FN3K: variants seen among roughly 807,000 people sequenced by gnomAD.
The protein encoded by FN3K is fructosamine 3 kinase.
Under a neutral mutation model 24.8 loss-of-function variants are expected in FN3K, and 24 were observed. That is an observed-to-expected ratio of 0.97 (90% CI 0.70 to 1.36). FN3K has a LOEUF of 1.36. FN3K is among the 40% of genes most tolerant of loss of function. The pLI is 0.00. For missense variants in FN3K, 449 were observed against 416.7 expected (o/e 1.08, Z -0.67); for synonymous variants, 192 against 175.2 (o/e 1.10, Z -0.76).
At chr17:82,740,967 C>T (rs2046938038) in intron 3 of FN3K, 113 bp downstream of exon 3, 2 of 749,542 alleles carry the variant, frequency 2.7e-6, no homozygotes, top group Admixed American at 4.0e-5. Flanking sequence ...TGTATACCGT[C>T]TGTCTTTACA....
intron 1 of FN3K, among the ~76,000 whole-genome samples, chr17:82,737,486 C>G (rs1038960562): frequency 6.6e-6 from 1 of 152,092 alleles, no homozygotes; most frequent in Non-Finnish European, 1.5e-5. Context: ...CCTTGCCTGG[C>G]TAATTTTTTG....
intron 1 of FN3K, 65 bp downstream of exon 1, chr17:82,735,842 CG>C: frequency 3.2e-6 from 4 of 1,239,506 alleles, no homozygotes; most frequent in Non-Finnish European, 1.1e-6. Context: ...GCGGAGGGGT[CG>C]GGGGCAGGCG....
At chr17:82,742,302 A>G (rs1275982439) in intron 4 of FN3K, among the ~76,000 whole-genome samples, 4 of 152,148 alleles carry the variant, frequency 2.6e-5, no homozygotes, top group African/African-American at 9.7e-5. Flanking sequence ...CGGCCTCCCA[A>G]AGTGCTGGGA....
At chr17:82,745,504 C>T (rs2264574) in intron 4 of FN3K, 98,565 of 152,158 alleles carry the variant, frequency 0.65, 31,991 homozygotes, top group South Asian at 0.72. Context: ...CACACTCTCA[C>T]TCAGCATAAT....
At chr17:82,742,117 C>G (rs907747309) in intron 4 of FN3K, among the ~76,000 whole-genome samples, 1 of 152,160 alleles carries the variant, frequency 6.6e-6, no homozygotes, top group African/African-American at 2.4e-5. Flanking sequence ...GTTGACCAGG[C>G]TGGTCTCGAA....
intron 1 of FN3K, 187 bp from the exon 2 acceptor site, chr17:82,738,302 C>T (rs2046917044): frequency 6.2e-6 from 4 of 641,908 alleles, no homozygotes; most frequent in East Asian, 2.8e-5. Context: ...AGCCTTGCAG[C>T]CTCTCGTCTC....
At chr17:82,748,823 G>A (rs753937626) in intron 4 of FN3K, 32 bp from the exon 5 acceptor site, 1 of 1,609,486 alleles carries the variant, frequency 6.2e-7, no homozygotes, top group Admixed American at 1.7e-5. Context: ...GCTCCGAATT[G>A]CAACAGTGGC....
chr17:82,737,341 C>T (rs2046908137), intron 1 of FN3K, among the ~76,000 whole-genome samples: 1 of 152,016 alleles, frequency 6.6e-6, no homozygotes, highest in East Asian at 1.9e-4. Flanking sequence ...GGTGAAATTC[C>T]ATCTCTTTTT....
chr17:82,743,154 T>C (rs887176441), intron 4 of FN3K, among the ~76,000 whole-genome samples: 18 of 152,244 alleles, frequency 1.2e-4, no homozygotes, highest in Middle Eastern at 3.4e-3. Flanking sequence ...CAGCTTGTGG[T>C]CCTGTGGTCC....
At chr17:82,736,641 C>T (rs1280768619) in intron 1 of FN3K, among the ~76,000 whole-genome samples, 1 of 152,182 alleles carries the variant, frequency 6.6e-6, no homozygotes, top group African/African-American at 2.4e-5. Context: ...GCCCTCCCGG[C>T]CCGAGTGGGC....
chr17:82,738,153 C>T (rs563056494), intron 1 of FN3K: 114 of 274,712 alleles, frequency 4.1e-4, no homozygotes, highest in Admixed American at 1.5e-3. Context: ...GTGGGTAGCC[C>T]GGGGGTCCAG....
At chr17:82,736,914 C>T (rs1302430877) in intron 1 of FN3K, among the ~76,000 whole-genome samples, 4 of 152,224 alleles carry the variant, frequency 2.6e-5, no homozygotes, top group African/African-American at 9.6e-5. Context: ...GGGTGAGACC[C>T]CTCCTTCCCT....
rs753580947 is a variant in FN3K at position 82,735,669 on chromosome 17, C to G, written c.33C>G (p.Thr11=). 8.4e-6 allele frequency: 13 copies of G among 1,538,560 alleles called. No individual in the cohort carries two copies. Among genetic ancestry groups the G allele is most frequent in the Non-Finnish European group, 1.1e-5 (13 of 1,147,036 alleles). Residue 11 remains threonine, a synonymous_variant, in exon 1 of 6, where the codon ACC becomes ACG. Coordinates refer to ENST00000300784, the MANE Select transcript of FN3K (RefSeq NM_022158.4). Reference sequence around the variant, plus strand: ...AGCTGCTGCGCGCCGAGCTGCGCACCGCGACCCTGCGGGCCTTCGGCGGCC... The same window carrying G: ...AGCTGCTGCGCGCCGAGCTGCGCACGGCGACCCTGCGGGCCTTCGGCGGCC... MEQLLRAELR[T]ATLRAFGGPG... is the part of the protein sequence containing the mutation.
chr17:82,742,936 C>T (rs899062990), intron 4 of FN3K, among the ~76,000 whole-genome samples: 2 of 152,134 alleles, frequency 1.3e-5, no homozygotes, highest in Non-Finnish European at 2.9e-5. Context: ...TCACCTGGGG[C>T]AAGATCCTCA....
chr17:82,743,421 T>C (rs1439058113), intron 4 of FN3K, among the ~76,000 whole-genome samples: 1 of 152,180 alleles, frequency 6.6e-6, no homozygotes, highest in Non-Finnish European at 1.5e-5. Flanking sequence ...ACACCTGCCC[T>C]GCTTCCTGCT....
chr17:82,750,098 A>G (rs1486218811), intron 5 of FN3K, among the ~76,000 whole-genome samples: 6 of 149,722 alleles, frequency 4.0e-5, no homozygotes, highest in East Asian at 3.9e-4. Context: ...CTGCAGACAT[A>G]TATGTGTAGC....
Position 82,735,729 on chromosome 17 carries a change from C to A in FN3K, c.93C>A (p.Tyr31Ter). The A allele has an allele frequency of 1.3e-6, 2 of 1,558,298 alleles. No homozygotes were observed. The highest frequency in any genetic ancestry group is 1.2e-5 in the South Asian group (1 of 84,764). ...GAGCISEGRA[Y>*]DTDAGPVFVK... ...GCTGCATCAGCGAGGGCCGAGCCTA[C>A]GACACGGACGCAGGCCCAGTGTTCG... Residue 31 changes from tyrosine to a stop codon, truncating the protein, a stop_gained, in exon 1 of 6, where the codon TAC (tyrosine) becomes TAA (stop). Coordinates refer to ENST00000300784, the MANE Select transcript of FN3K (RefSeq NM_022158.4). LOFTEE classifies it high-confidence loss of function.
intron 2 of FN3K, 90 bp downstream of exon 2, chr17:82,738,730 A>G: frequency 6.6e-7 from 1 of 1,522,930 alleles, no homozygotes; most frequent in African/African-American, 1.4e-5. Context: ...AGGGATAGAG[A>G]TGGGGAGGGA....
intron 2 of FN3K, among the ~76,000 whole-genome samples, chr17:82,739,926 CAG>C (rs1206836259): frequency 2.0e-5 from 3 of 151,012 alleles, no homozygotes; most frequent in East Asian, 2.0e-4. Context: ...TTTTTTGAGA[CAG>C]AGTCTTACTC....
Sources: gnomAD v4.1 joint callset for allele counts (sites outside exome capture counted in the v4.1 genomes callset) on GRCh38, gnomAD v4.1.1 for gene constraint, MANE v1.5 for transcripts, NCBI Gene and HGNC (gene_info 2026-07-23, HGNC 2026-07-21) for gene names.